TYW1: variants seen among roughly 807,000 people sequenced by gnomAD.
TYW1 encodes the protein tRNA-yW synthesizing protein 1 homolog, also known as S-adenosyl-L-methionine-dependent tRNA 4-demethylwyosine synthase TYW1.
In TYW1, 46 loss-of-function variants were observed where a neutral mutation model predicts 96.2. That is an observed-to-expected ratio of 0.48 (90% CI 0.38 to 0.61). TYW1 has a LOEUF of 0.61. Ranked by LOEUF, TYW1 falls within the 20% of genes least tolerant of loss-of-function variation. TYW1 has a pLI of 0.00. For synonymous variants in TYW1, 274 were observed against 323.0 expected (o/e 0.85, Z 1.63); for missense variants, 684 against 909.6 (o/e 0.75, Z 3.19).
intron 7 of TYW1, among the ~76,000 whole-genome samples, chr7:67,043,410 C>A (rs564556053): frequency 1.4e-4 from 21 of 150,154 alleles, no homozygotes; most frequent in African/African-American, 4.9e-4. Flanking sequence ...ATAATCCCCA[C>A]AGCAATGTTC....
chr7:66,998,049 G>T lies in TYW1; in HGVS notation c.5-16G>T. 6.4e-7 allele frequency: 1 copy of T among 1,571,556 alleles called. No homozygotes were observed. Among genetic ancestry groups the T allele is most frequent in the Non-Finnish European group, 8.6e-7 (1 of 1,164,448 alleles). ...TGTAGCTTTAAATGAAATTGTGTGTGTCATTTTAAATTTAGATCCTTCTGC... is the reference window on the plus strand; with the variant it reads ...TGTAGCTTTAAATGAAATTGTGTGTTTCATTTTAAATTTAGATCCTTCTGC... On this transcript the variant is annotated splice_polypyrimidine_tract_variant and intron_variant, in intron 1 of 15. Transcript: ENST00000359626.
Position 66,998,364 on chromosome 7 carries a change from G to A in TYW1, c.135+169G>A, listed in dbSNP as rs10270306. ...AGTTTTTGGAGACTAAGTTATCTTG[G>A]ATTAAGTTCTTTACTTTTTCTTTGA... On this transcript the variant is annotated intron_variant, in intron 2 of 15. Coordinates refer to ENST00000359626, the MANE Select transcript of TYW1 (RefSeq NM_018264.4). Among the ~76,000 whole-genome samples the A allele has an allele frequency of 3.7e-3, 564 of 152,200 alleles. 6 individuals are homozygous for A. Among genetic ancestry groups the A allele is most frequent in the African/African-American group, 0.013 (537 of 41,538 alleles).
intron 15 of TYW1, among the ~76,000 whole-genome samples, chr7:67,223,376 G>T (rs1190222917): frequency 2.0e-5 from 3 of 152,128 alleles, no homozygotes; most frequent in African/African-American, 7.2e-5. Context: ...GGCTGTCTCT[G>T]TGCCAAGGAT....
intron 11 of TYW1, among the ~76,000 whole-genome samples, chr7:67,091,502 A>C (rs1202581727): frequency 6.6e-6 from 1 of 152,178 alleles, no homozygotes; most frequent in African/African-American, 2.4e-5. Context: ...AACGTGGCAC[A>C]TGTTTACATA....
intron 13 of TYW1, among the ~76,000 whole-genome samples, chr7:67,148,710 C>T (rs866893802): frequency 4.6e-5 from 7 of 152,046 alleles, no homozygotes; most frequent in East Asian, 1.9e-4. Context: ...GGATTACAGG[C>T]GTGAGCCACT....
At chr7:67,177,493 A>G (rs1012388915) in intron 13 of TYW1, among the ~76,000 whole-genome samples, 15 of 152,304 alleles carry the variant, frequency 9.8e-5, no homozygotes, top group African/African-American at 3.6e-4. Flanking sequence ...AGCAAATGCA[A>G]ATAATTTATT....
At chr7:67,097,180 T>C (rs1359832217) in intron 11 of TYW1, among the ~76,000 whole-genome samples, 4 of 151,814 alleles carry the variant, frequency 2.6e-5, no homozygotes, top group Admixed American at 2.0e-4. Flanking sequence ...CCGCCAGAGA[T>C]TGGCGTTTAG....
intron 14 of TYW1, among the ~76,000 whole-genome samples, chr7:67,185,200 G>A (rs1202429735): frequency 6.6e-6 from 1 of 151,882 alleles, no homozygotes; most frequent in Non-Finnish European, 1.5e-5. Flanking sequence ...GCAAAGATAA[G>A]GGGATTGGAT....
intron 13 of TYW1, among the ~76,000 whole-genome samples, chr7:67,127,771 A>G (rs991863753): frequency 6.6e-6 from 1 of 151,952 alleles, no homozygotes. Flanking sequence ...CCCAGATTCC[A>G]GTTGTCTGAA....
chr7:67,114,084 C>T (rs1192622243), intron 12 of TYW1, among the ~76,000 whole-genome samples: 1 of 152,234 alleles, frequency 6.6e-6, no homozygotes, highest in Non-Finnish European at 1.5e-5. Flanking sequence ...GTAAAGCACA[C>T]AGCAGAGTGT....
intron 15 of TYW1, among the ~76,000 whole-genome samples, chr7:67,212,968 C>G (rs1221758542): frequency 6.6e-6 from 1 of 152,040 alleles, no homozygotes; most frequent in Non-Finnish European, 1.5e-5. Context: ...CTCTGCCCCC[C>G]AGGTTCAAAC....
At chr7:67,202,018 T>C (rs1209642064) in intron 15 of TYW1, among the ~76,000 whole-genome samples, 1 of 152,204 alleles carries the variant, frequency 6.6e-6, no homozygotes, top group Non-Finnish European at 1.5e-5. Flanking sequence ...AGTGTCCCAG[T>C]GAGTACTCTG....
At chr7:67,065,133 G>T (rs1429295453) in intron 9 of TYW1, among the ~76,000 whole-genome samples, 16 of 152,166 alleles carry the variant, frequency 1.1e-4, no homozygotes, top group Admixed American at 1.0e-3. Context: ...AGCTACCTTG[G>T]TTGCTTTTCC....
chr7:67,102,181 A>T (rs770233603), intron 12 of TYW1, among the ~76,000 whole-genome samples: 1 of 152,200 alleles, frequency 6.6e-6, no homozygotes, highest in Non-Finnish European at 1.5e-5. Context: ...ACCAGAGAAG[A>T]TGTTTCATTG....
rs186766063 is a variant in TYW1, at chr7:67,006,787, A to G, written c.274-2796A>G. Among the ~76,000 whole-genome samples the G allele has an allele frequency of 2.9e-3, 445 of 151,922 alleles. 3 individuals are homozygous for G. The highest frequency in any genetic ancestry group is 4.2e-3 in the Non-Finnish European group (286 of 67,950). On this transcript the variant is annotated intron_variant, in intron 3 of 15. Transcript: ENST00000359626. ...CAAGAATGGACTAATACTGTAATTT[A>G]TAAAGAAAAGAGGTTTATTTGGTTC...
At chr7:67,003,863 C>A (rs1793480909) in intron 3 of TYW1, among the ~76,000 whole-genome samples, 1 of 151,524 alleles carries the variant, frequency 6.6e-6, no homozygotes, top group South Asian at 2.1e-4. Flanking sequence ...GCCAACATGG[C>A]AAAACCCCAT....
chr7:67,003,496 C>A (rs1425243342), intron 3 of TYW1, among the ~76,000 whole-genome samples: 1 of 151,138 alleles, frequency 6.6e-6, no homozygotes, highest in Non-Finnish European at 1.5e-5. Flanking sequence ...AATGGGGATA[C>A]AATTGCCATA....
intron 13 of TYW1, among the ~76,000 whole-genome samples, chr7:67,156,954 G>A (rs1465046920): frequency 6.6e-6 from 1 of 151,822 alleles, no homozygotes. Flanking sequence ...GGCCACTGGG[G>A]ACCTCTCACT....
intron 10 of TYW1, among the ~76,000 whole-genome samples, chr7:67,069,994 T>A (rs1212021201): frequency 6.6e-6 from 1 of 152,232 alleles, no homozygotes; most frequent in Non-Finnish European, 1.5e-5. Flanking sequence ...AGAATTGTTT[T>A]GTTAGATATA....
Sources: allele counts gnomAD v4.1 joint callset (sites outside exome capture counted in the v4.1 genomes callset), GRCh38; gene constraint gnomAD v4.1.1; transcripts MANE v1.5; gene names NCBI Gene and HGNC (gene_info 2026-07-23, HGNC 2026-07-21).